Variants in DLG2 observed in about 807,000 individuals in gnomAD.
DLG2 encodes the protein disks large homolog 2.
Under a neutral mutation model 132.5 loss-of-function variants are expected in DLG2, and 45 were observed. That is an observed-to-expected ratio of 0.34 (90% CI 0.27 to 0.44). The LOEUF is 0.44. DLG2 is among the 20% of genes least tolerant of loss of function. The pLI is 1.00. For missense variants in DLG2, 1,045 were observed against 1,196.9 expected (o/e 0.87, Z 1.87); for synonymous variants, 424 against 419.6 (o/e 1.01, Z -0.13).
At chr11:84,274,558 A>G (rs1433871832) in intron 7 of DLG2, among the ~76,000 whole-genome samples, 1 of 152,122 alleles carries the variant, frequency 6.6e-6, no homozygotes, top group East Asian at 1.9e-4. Context: ...GTTTTCCTCC[A>G]TTTGTACCCT....
At chr11:85,199,840 C>A (rs2081321042) in intron 4 of DLG2, among the ~76,000 whole-genome samples, 1 of 152,102 alleles carries the variant, frequency 6.6e-6, no homozygotes, top group African/African-American at 2.4e-5. Context: ...GATCCCAAAC[C>A]TGGATACACT....
chr11:84,810,654 T>C (rs933469391), intron 6 of DLG2, among the ~76,000 whole-genome samples: 1 of 152,090 alleles, frequency 6.6e-6, no homozygotes, highest in African/African-American at 2.4e-5. Flanking sequence ...TATGTTCAAA[T>C]AGTTTTATTC....
intron 6 of DLG2, among the ~76,000 whole-genome samples, chr11:85,052,689 T>A (rs964475198): frequency 1.5e-4 from 23 of 152,346 alleles, no homozygotes; most frequent in African/African-American, 4.8e-4. Context: ...CATCTTTGTA[T>A]CTTTACCTTG....
At chr11:83,970,411 G>A (rs2449593) in intron 12 of DLG2, among the ~76,000 whole-genome samples, 37,518 of 151,990 alleles carry the variant, frequency 0.25, 5,790 homozygotes, top group African/African-American at 0.43. Context: ...AGGATACTGG[G>A]GAGAATAATA....
chr11:83,912,135 GAA>G (rs1233297973), intron 15 of DLG2, among the ~76,000 whole-genome samples: 1 of 144,402 alleles, frequency 6.9e-6, no homozygotes, highest in East Asian at 2.1e-4. Flanking sequence ...AGAAAACAAA[GAA>G]AAAAATAAAA....
chr11:84,680,485 G>A (rs2099726157), intron 6 of DLG2, among the ~76,000 whole-genome samples: 2 of 152,090 alleles, frequency 1.3e-5, no homozygotes, highest in Admixed American at 6.6e-5. Context: ...TCTCAGAAAG[G>A]ATACTATTCT....
intron 6 of DLG2, among the ~76,000 whole-genome samples, chr11:85,081,197 A>C (rs2067185612): frequency 6.6e-6 from 1 of 152,168 alleles, no homozygotes; most frequent in African/African-American, 2.4e-5. Context: ...TATAACCTGA[A>C]AGTCAAACCT....
chr11:84,040,570 A>T (rs1402608770), intron 11 of DLG2, among the ~76,000 whole-genome samples: 1 of 151,996 alleles, frequency 6.6e-6, no homozygotes, highest in Non-Finnish European at 1.5e-5. Flanking sequence ...GTTCTGTTCC[A>T]TTGATCCATA....
chr11:84,122,801 T>C (rs868480004), intron 9 of DLG2, among the ~76,000 whole-genome samples: 10 of 152,072 alleles, frequency 6.6e-5, no homozygotes, highest in Admixed American at 5.2e-4. Context: ...GTGGTATTCA[T>C]GGAAGAGACA....
intron 6 of DLG2, among the ~76,000 whole-genome samples, chr11:84,845,017 T>A (rs2081276192): frequency 1.3e-5 from 2 of 152,138 alleles, no homozygotes; most frequent in African/African-American, 4.8e-5. Context: ...CAAATACAAA[T>A]TTTATTATTC....
intron 7 of DLG2, among the ~76,000 whole-genome samples, chr11:84,430,916 G>A (rs2098982779): frequency 2.0e-5 from 3 of 152,158 alleles, no homozygotes; most frequent in Non-Finnish European, 4.4e-5. Flanking sequence ...CAACTGAGGA[G>A]CTTTGAGAGA....
intron 18 of DLG2, among the ~76,000 whole-genome samples, chr11:83,735,983 G>A (rs2091843303): frequency 6.6e-6 from 1 of 152,188 alleles, no homozygotes; most frequent in Admixed American, 6.5e-5. Context: ...CAGAGCAGAG[G>A]CCTCATAAAT....
intron 3 of DLG2, among the ~76,000 whole-genome samples, chr11:85,470,947 C>G (rs2092966551): frequency 6.6e-6 from 1 of 152,180 alleles, no homozygotes; most frequent in Non-Finnish European, 1.5e-5. Flanking sequence ...ACGCAACTGT[C>G]TTATCTTCTG....
intron 6 of DLG2, among the ~76,000 whole-genome samples, chr11:84,556,048 C>T (rs1348024625): frequency 2.0e-5 from 3 of 152,192 alleles, no homozygotes; most frequent in South Asian, 2.1e-4. Flanking sequence ...TTTGCCCACC[C>T]ACACAACATT....
chr11:84,892,432 A>T (rs2089546821), intron 6 of DLG2, among the ~76,000 whole-genome samples: 1 of 152,124 alleles, frequency 6.6e-6, no homozygotes, highest in South Asian at 2.1e-4. Context: ...TATCTGTTTT[A>T]TCTGCTGCTA....
intron 6 of DLG2, among the ~76,000 whole-genome samples, chr11:85,004,682 T>A (rs953955499): frequency 2.6e-5 from 4 of 152,164 alleles, no homozygotes; most frequent in Non-Finnish European, 5.9e-5. Context: ...TTCACTCTGA[T>A]AATAGTTTTT....
intron 7 of DLG2, among the ~76,000 whole-genome samples, chr11:84,439,532 AT>A (rs1305428529): frequency 6.6e-6 from 1 of 151,942 alleles, no homozygotes; most frequent in Non-Finnish European, 1.5e-5. Context: ...CTTTCCTTTA[AT>A]TTCCTTTTGA....
At chr11:83,588,861 G>C (rs548860973) in intron 19 of DLG2, among the ~76,000 whole-genome samples, 1 of 152,122 alleles carries the variant, frequency 6.6e-6, no homozygotes, top group African/African-American at 2.4e-5. Context: ...GTCAGGAGCC[G>C]ATGCGATCAA....
At chr11:84,786,021 GA>G (rs1398266590) in intron 6 of DLG2, among the ~76,000 whole-genome samples, 1 of 151,928 alleles carries the variant, frequency 6.6e-6, no homozygotes, top group Non-Finnish European at 1.5e-5. Flanking sequence ...AACCACACTG[GA>G]AACACTACAG....
Sources: allele counts gnomAD v4.1 joint callset (sites outside exome capture counted in the v4.1 genomes callset), GRCh38; gene constraint gnomAD v4.1.1; transcripts MANE v1.5; gene names NCBI Gene and HGNC (gene_info 2026-07-23, HGNC 2026-07-21).